Variants in TAFA1 observed in about 807,000 individuals in gnomAD.
The protein encoded by TAFA1 is chemokine-like protein TAFA-1.
In TAFA1, 4 loss-of-function variants were observed where a neutral mutation model predicts 18.5. That is an observed-to-expected ratio of 0.22 (90% confidence interval 0.11 to 0.49). The LOEUF is 0.49. Ranked by LOEUF, TAFA1 falls within the 20% of genes least tolerant of loss-of-function variation. TAFA1 has a pLI of 0.98. For synonymous variants in TAFA1, 56 were observed against 55.2 expected (o/e 1.01, Z -0.06); for missense variants, 147 against 169.0 (o/e 0.87, Z 0.72).
intron 2 of TAFA1, among the ~76,000 whole-genome samples, chr3:68,078,142 A>AT (rs1485723156): frequency 3.9e-5 from 6 of 151,978 alleles, no homozygotes; most frequent in Admixed American, 3.9e-4. Context: ...AATGCTTGTG[A>AT]TTTTTGTACA....
intron 2 of TAFA1, among the ~76,000 whole-genome samples, chr3:68,214,407 A>G (rs1383946777): frequency 6.6e-6 from 1 of 152,034 alleles, no homozygotes; most frequent in East Asian, 1.9e-4. Context: ...AAATTCTCCC[A>G]TTCAATTTCT....
intron 2 of TAFA1, among the ~76,000 whole-genome samples, chr3:68,248,960 C>A (rs747584727): frequency 6.6e-6 from 1 of 152,044 alleles, no homozygotes; most frequent in African/African-American, 2.4e-5. Context: ...TTCTCCTGTC[C>A]AGCCCTCTGC....
At chr3:68,395,884 C>T (rs571349931) in intron 2 of TAFA1, among the ~76,000 whole-genome samples, 19 of 151,794 alleles carry the variant, frequency 1.3e-4, no homozygotes, top group Non-Finnish European at 2.5e-4. Context: ...CAGCAAACCA[C>T]CATGGCACAT....
intron 2 of TAFA1, chr3:68,145,535 A>T: frequency 8.2e-7 from 1 of 1,213,894 alleles, no homozygotes. Context: ...TTCCTTTAAC[A>T]AGTTTATTCC....
At chr3:68,082,822 G>T (rs969039298) in intron 2 of TAFA1, among the ~76,000 whole-genome samples, 1 of 152,192 alleles carries the variant, frequency 6.6e-6, no homozygotes, top group African/African-American at 2.4e-5. Context: ...ATCTAAAAAT[G>T]TAAGACTAAA....
chr3:68,495,834 A>G (rs1259624231), intron 3 of TAFA1, among the ~76,000 whole-genome samples: 1 of 152,126 alleles, frequency 6.6e-6, no homozygotes, highest in Non-Finnish European at 1.5e-5. Flanking sequence ...TTTACATGAA[A>G]GCAAGTTAGG....
At chr3:68,025,849 A>G (rs1264717636) in intron 2 of TAFA1, among the ~76,000 whole-genome samples, 1 of 152,054 alleles carries the variant, frequency 6.6e-6, no homozygotes, top group Admixed American at 6.6e-5. Context: ...GCACATCTCC[A>G]TTCTCCTGGT....
At chr3:68,430,644 C>G (rs1452393101) in intron 3 of TAFA1, among the ~76,000 whole-genome samples, 3 of 151,900 alleles carry the variant, frequency 2.0e-5, no homozygotes, top group African/African-American at 7.2e-5. Context: ...TTCAAAACCT[C>G]TATACTAACA....
intron 3 of TAFA1, among the ~76,000 whole-genome samples, chr3:68,458,608 C>G (rs949091729): frequency 6.6e-6 from 1 of 152,052 alleles, no homozygotes; most frequent in African/African-American, 2.4e-5. Flanking sequence ...ATTAGTCATC[C>G]CACTTTTCCC....
chr3:68,048,193 TATA>T (rs2064415309), intron 2 of TAFA1, among the ~76,000 whole-genome samples: 1 of 152,088 alleles, frequency 6.6e-6, no homozygotes, highest in South Asian at 2.1e-4. Flanking sequence ...TATTAAATAA[TATA>T]ATATCTATGA....
intron 2 of TAFA1, among the ~76,000 whole-genome samples, chr3:68,400,734 G>T (rs2106745337): frequency 6.6e-6 from 1 of 152,268 alleles, no homozygotes; most frequent in Non-Finnish European, 1.5e-5. Flanking sequence ...TTTATACATG[G>T]AAATTACCTA....
intron 2 of TAFA1, among the ~76,000 whole-genome samples, chr3:68,216,389 A>G (rs2107080377): frequency 6.6e-6 from 1 of 152,212 alleles, no homozygotes; most frequent in Admixed American, 6.5e-5. Flanking sequence ...CTATTAAAAT[A>G]TATAAAACAC....
At chr3:68,074,680 T>A (rs764654953) in intron 2 of TAFA1, among the ~76,000 whole-genome samples, 4 of 152,194 alleles carry the variant, frequency 2.6e-5, no homozygotes, top group Non-Finnish European at 4.4e-5. Flanking sequence ...CTCAGGGAGA[T>A]GAAATAATCT....
chr3:68,169,712 G>A (rs911762310), intron 2 of TAFA1, among the ~76,000 whole-genome samples: 10 of 152,200 alleles, frequency 6.6e-5, no homozygotes, highest in Non-Finnish European at 2.9e-5. Context: ...TCACTCTGTG[G>A]GTGATGTGAA....
intron 2 of TAFA1, among the ~76,000 whole-genome samples, chr3:68,308,868 A>C (rs1377625408): frequency 6.6e-6 from 1 of 152,136 alleles, no homozygotes; most frequent in Non-Finnish European, 1.5e-5. Flanking sequence ...TCACTGGAAT[A>C]GTATCTTAAT....
intron 2 of TAFA1, among the ~76,000 whole-genome samples, chr3:68,094,649 G>A (rs2065066382): frequency 6.6e-6 from 1 of 152,132 alleles, no homozygotes; most frequent in South Asian, 2.1e-4. Context: ...AAGGATAGAA[G>A]GAGAGAGATC....
chr3:68,258,186 A>G (rs188123327), intron 2 of TAFA1, among the ~76,000 whole-genome samples: 4 of 152,330 alleles, frequency 2.6e-5, no homozygotes, highest in African/African-American at 4.8e-5. Flanking sequence ...CTGTGGTTAT[A>G]TAAGGTGTTC....
chr3:68,137,982 T>A (rs1429784399), intron 2 of TAFA1, among the ~76,000 whole-genome samples: 4 of 147,874 alleles, frequency 2.7e-5, no homozygotes, highest in African/African-American at 9.9e-5. Flanking sequence ...CGCTACTATT[T>A]AAAAAAAAAA....
chr3:68,263,816 A>T (rs1374528216), intron 2 of TAFA1, among the ~76,000 whole-genome samples: 2 of 152,144 alleles, frequency 1.3e-5, no homozygotes, highest in East Asian at 3.8e-4. Context: ...TGTTTCGTGT[A>T]TCCAAGCACA....
Sources: gnomAD v4.1 joint callset for allele counts (sites outside exome capture counted in the v4.1 genomes callset) on GRCh38, gnomAD v4.1.1 for gene constraint, MANE v1.5 for transcripts, NCBI Gene and HGNC (gene_info 2026-07-23, HGNC 2026-07-21) for gene names.